Variants in RBFOX3 observed in about 807,000 individuals in gnomAD.
RBFOX3 encodes the protein RNA binding fox-1 homolog 3, also known as RNA binding protein fox-1 homolog 3.
Under a neutral mutation model 48.7 loss-of-function variants are expected in RBFOX3, and 17 were observed. The observed-to-expected ratio is 0.35, with a 90% CI of 0.24 to 0.52. The LOEUF is 0.52. Among genes scored for constraint, RBFOX3 ranks in the 20% least tolerant of loss-of-function variants. RBFOX3 has a pLI of 0.94. For synonymous variants in RBFOX3, 212 were observed against 209.5 expected, an observed-to-expected ratio of 1.01 and a Z score of -0.10; for missense variants, 382 against 497.5, an observed-to-expected ratio of 0.77 and a Z score of 2.21.
At chr17:79,430,173 G>A (rs777171023) in intron 2 of RBFOX3, among the ~76,000 whole-genome samples, 1 of 152,058 alleles carries the variant, frequency 6.6e-6, no homozygotes, top group African/African-American at 2.4e-5. Context: ...GAGAAAAGGT[G>A]TTTGATTTGA....
At chr17:79,150,719 C>T (rs1345958726) in intron 4 of RBFOX3, among the ~76,000 whole-genome samples, 3 of 152,182 alleles carry the variant, frequency 2.0e-5, no homozygotes, top group African/African-American at 4.8e-5. Flanking sequence ...CCACACCTGC[C>T]CCACATTCTT....
At chr17:79,172,421 CGGTCTGAGTCT>C (rs2049538553) in intron 4 of RBFOX3, among the ~76,000 whole-genome samples, 1 of 152,170 alleles carries the variant, frequency 6.6e-6, no homozygotes, top group African/African-American at 2.4e-5. Flanking sequence ...GGGAGGGGAC[CGGTCTGAGTCT>C]GGTCTGAGGC....
chr17:79,499,194 A>G (rs189825602), intron 1 of RBFOX3, among the ~76,000 whole-genome samples: 602 of 150,912 alleles, frequency 4.0e-3, no homozygotes, highest in African/African-American at 0.014. Context: ...TCATCTATTC[A>G]TCCAATCATA....
intron 2 of RBFOX3, among the ~76,000 whole-genome samples, chr17:79,445,601 G>A (rs1555737711): frequency 6.6e-6 from 1 of 152,162 alleles, no homozygotes; most frequent in Non-Finnish European, 1.5e-5. Context: ...TCCTTGCTGT[G>A]CCGAGCTCAG....
chr17:79,449,478 C>A (rs2073039628), intron 2 of RBFOX3, among the ~76,000 whole-genome samples: 1 of 152,180 alleles, frequency 6.6e-6, no homozygotes, highest in African/African-American at 2.4e-5. Flanking sequence ...TAATCCAATT[C>A]ATCCAACAAA....
chr17:79,448,360 T>A (rs2072778012), intron 2 of RBFOX3, among the ~76,000 whole-genome samples: 1 of 152,184 alleles, frequency 6.6e-6, no homozygotes, highest in South Asian at 2.1e-4. Context: ...AATGAGGGCC[T>A]TTGCAGACAA....
At chr17:79,327,599 A>T (rs1056066853) in intron 2 of RBFOX3, among the ~76,000 whole-genome samples, 1 of 152,228 alleles carries the variant, frequency 6.6e-6, no homozygotes, top group Non-Finnish European at 1.5e-5. Context: ...GTTTTAAAAA[A>T]CTACAGTCCT....
Position 79,362,837 on chromosome 17 carries a change from C to T in RBFOX3, c.-174-55013G>A, listed in dbSNP as rs1484650337. ...GGGGTAAAGCGGGAACATCAGACAA[C>T]CCTGAACGCCCGGCTCTGTGTGCAG... On this transcript the variant is annotated intron_variant, in intron 2 of 14. Coordinates refer to ENST00000693108, the MANE Select transcript of RBFOX3 (RefSeq NM_001350451.2). The surrounding 1 kb of genome is among the most constrained non-coding windows in gnomAD (Gnocchi z 4.2). Among the ~76,000 whole-genome samples, 2 of 152,160 alleles carry T rather than the reference C, an allele frequency of 1.3e-5. No homozygotes were observed. The highest frequency in any genetic ancestry group is 4.8e-5 in the African/African-American group (2 of 41,448).
chr17:79,306,347 C>T (rs1490590942), intron 3 of RBFOX3, among the ~76,000 whole-genome samples: 2 of 152,270 alleles, frequency 1.3e-5, no homozygotes, highest in African/African-American at 4.8e-5. Flanking sequence ...GCGGCTCACA[C>T]GTCCATGCAG....
intron 1 of RBFOX3, among the ~76,000 whole-genome samples, chr17:79,515,257 C>A (rs2085082282): frequency 6.6e-6 from 1 of 152,200 alleles, no homozygotes. Flanking sequence ...TCCCACTGCT[C>A]CCCAGGCCAG....
chr17:79,463,580 G>T (rs1305205298), intron 2 of RBFOX3, among the ~76,000 whole-genome samples: 3 of 127,214 alleles, frequency 2.4e-5, no homozygotes, highest in African/African-American at 9.4e-5. Flanking sequence ...CATCGCCACT[G>T]CCACCGCCAC....
intron 2 of RBFOX3, among the ~76,000 whole-genome samples, chr17:79,425,406 C>A (rs1172574911): frequency 3.3e-5 from 5 of 152,152 alleles, no homozygotes; most frequent in East Asian, 1.9e-4. Context: ...AGGGAGTCAA[C>A]CCCCTGGGGC....
At chr17:79,109,587 T>C (rs1315803235) in intron 5 of RBFOX3, among the ~76,000 whole-genome samples, 3 of 152,148 alleles carry the variant, frequency 2.0e-5, no homozygotes, top group African/African-American at 7.2e-5. Context: ...CGTCCAAACA[T>C]CCACCGATCT....
chr17:79,189,386 C>T (rs543783700), intron 4 of RBFOX3, among the ~76,000 whole-genome samples: 1 of 152,210 alleles, frequency 6.6e-6, no homozygotes, highest in Non-Finnish European at 1.5e-5. Flanking sequence ...TTCCCTTCGA[C>T]TACTGTGCTG....
At chr17:79,472,048 T>C (rs1482816775) in intron 2 of RBFOX3, among the ~76,000 whole-genome samples, 2 of 152,120 alleles carry the variant, frequency 1.3e-5, no homozygotes, top group Non-Finnish European at 1.5e-5. Flanking sequence ...GGCAGCTCCA[T>C]GCACAGATGA....
chr17:79,380,540 C>T lies in RBFOX3; in HGVS notation c.-174-72716G>A, dbSNP rs573896073. ...AGAGCCTCCTTGGCCTCTTGGAAGC[C>T]TTTCCTAGATGCTGAGCCAGAGAGC... is the stretch of plus-strand genomic sequence containing the variant. On this transcript the variant is annotated intron_variant, in intron 2 of 14. Coordinates refer to ENST00000693108, the MANE Select transcript of RBFOX3 (RefSeq NM_001350451.2). Among the ~76,000 whole-genome samples, 6 of 152,296 alleles carry T rather than the reference C, an allele frequency of 3.9e-5. No homozygotes were observed. In the East Asian group the frequency reaches 9.7e-4, roughly 25 times the overall value.
intron 2 of RBFOX3, among the ~76,000 whole-genome samples, chr17:79,372,951 G>C (rs1294066550): frequency 6.6e-6 from 1 of 152,190 alleles, no homozygotes; most frequent in Non-Finnish European, 1.5e-5. Context: ...ACTGGCAGGA[G>C]TCAGGGGCTG....
At chr17:79,112,253 G>A (rs2031965740) in intron 5 of RBFOX3, among the ~76,000 whole-genome samples, 1 of 152,208 alleles carries the variant, frequency 6.6e-6, no homozygotes, top group Admixed American at 6.5e-5. Context: ...CAGTGTCGGT[G>A]AGGGACCGGT....
At chr17:79,374,447 T>C (rs2058972393) in intron 2 of RBFOX3, among the ~76,000 whole-genome samples, 2 of 152,182 alleles carry the variant, frequency 1.3e-5, no homozygotes, top group Admixed American at 1.3e-4. Flanking sequence ...GATCTGCTAA[T>C]AGATGAGAAT....
Sources: gnomAD v4.1 joint callset for allele counts (sites outside exome capture counted in the v4.1 genomes callset) on GRCh38, gnomAD v4.1.1 for gene constraint, Gnocchi (gnomAD v3.1) non-coding constraint, MANE v1.5 for transcripts, NCBI Gene and HGNC (gene_info 2026-07-23, HGNC 2026-07-21) for gene names.